SCHIP1: variants seen among roughly 807,000 people sequenced by gnomAD.
SCHIP1 encodes the protein schwannomin-interacting protein 1.
In SCHIP1, 8 loss-of-function variants were observed where a neutral mutation model predicts 29.7. The ratio of observed to expected loss-of-function variants is 0.27; its 90% confidence interval spans 0.16 to 0.49. The LOEUF (loss-of-function observed/expected upper bound fraction) is 0.49. Ranked by LOEUF, SCHIP1 falls within the 20% of genes least tolerant of loss-of-function variation. The probability of loss-of-function intolerance (pLI) is 0.99; values close to 1 mark genes in which losing one functional copy is unlikely to be tolerated. For missense variants in SCHIP1, 193 were observed against 294.6 expected, an observed-to-expected ratio of 0.66 and a Z score of 2.52; for synonymous variants, 76 against 94.9, an observed-to-expected ratio of 0.80 and a Z score of 1.16.
chr3:159,655,682 G>A, the SCHIP1 span, among the ~76,000 whole-genome samples: 1 of 152,188 alleles, frequency 6.6e-6, no homozygotes, highest in East Asian at 1.9e-4. Flanking sequence ...GAGGTCAGGT[G>A]TTTGAGACAA....
At chr3:159,561,957 T>C in the SCHIP1 span, among the ~76,000 whole-genome samples, 1 of 152,212 alleles carries the variant, frequency 6.6e-6, no homozygotes, top group Non-Finnish European at 1.5e-5. Context: ...TTTATATTTG[T>C]GAAAAGCAGA....
At chr3:159,397,549 C>T in the SCHIP1 span, among the ~76,000 whole-genome samples, 1 of 152,152 alleles carries the variant, frequency 6.6e-6, no homozygotes, top group African/African-American at 2.4e-5. Context: ...AGATAGGACC[C>T]TCAGCTGCAG....
At chr3:159,750,293 A>ACG in the SCHIP1 span, among the ~76,000 whole-genome samples, 19 of 146,726 alleles carry the variant, frequency 1.3e-4, no homozygotes, top group African/African-American at 5.0e-4. Flanking sequence ...ATATATATAT[A>ACG]TATACACACA....
the SCHIP1 span, among the ~76,000 whole-genome samples, chr3:159,465,570 T>C: frequency 1.3e-5 from 2 of 152,058 alleles, no homozygotes; most frequent in Non-Finnish European, 2.9e-5. Flanking sequence ...CTGAAATATA[T>C]TTACCTGGGG....
chr3:159,595,179 G>A, the SCHIP1 span, among the ~76,000 whole-genome samples: 50 of 152,158 alleles, frequency 3.3e-4, no homozygotes, highest in African/African-American at 9.7e-4. Context: ...GCTTCTGCTA[G>A]CAAACACAGA....
At chr3:159,327,285 A>G in the SCHIP1 span, among the ~76,000 whole-genome samples, 1 of 152,156 alleles carries the variant, frequency 6.6e-6, no homozygotes, top group African/African-American at 2.4e-5. Flanking sequence ...TCAAATAGAA[A>G]TATTGATACC....
At chr3:159,880,179 C>T (rs956255981) in intron 2 of SCHIP1, among the ~76,000 whole-genome samples, 2 of 152,118 alleles carry the variant, frequency 1.3e-5, no homozygotes, top group African/African-American at 4.8e-5. Flanking sequence ...AATGTCCTCC[C>T]CAGTCCTCTC....
At chr3:159,602,096 C>T in the SCHIP1 span, among the ~76,000 whole-genome samples, 1 of 152,148 alleles carries the variant, frequency 6.6e-6, no homozygotes, top group South Asian at 2.1e-4. Context: ...AGGAGCTCTC[C>T]CATGGTTCAC....
chr3:159,319,360 G>C, the SCHIP1 span, among the ~76,000 whole-genome samples: 1 of 152,302 alleles, frequency 6.6e-6, no homozygotes, highest in South Asian at 2.1e-4. Context: ...GTGTAACAAA[G>C]GTTGGGGCAT....
the SCHIP1 span, among the ~76,000 whole-genome samples, chr3:159,297,126 T>TTGTGTGTGTG: frequency 0.011 from 1,567 of 143,300 alleles, 19 homozygotes; most frequent in African/African-American, 0.038. Context: ...TAATATTCCA[T>TTGTGTGTGTG]TGTGTGTGTG....
At chr3:159,403,056 G>C in the SCHIP1 span, among the ~76,000 whole-genome samples, 6 of 152,146 alleles carry the variant, frequency 3.9e-5, no homozygotes, top group Admixed American at 1.3e-4. Flanking sequence ...AAGACCATGG[G>C]CCAGGGACTC....
At chr3:159,633,720 T>C in the SCHIP1 span, among the ~76,000 whole-genome samples, 5 of 152,158 alleles carry the variant, frequency 3.3e-5, no homozygotes, top group Admixed American at 2.6e-4. Context: ...TCAAGAAATA[T>C]ATATCCTATA....
At chr3:159,708,041 T>C in the SCHIP1 span, among the ~76,000 whole-genome samples, 2 of 152,170 alleles carry the variant, frequency 1.3e-5, no homozygotes, top group African/African-American at 4.8e-5. Flanking sequence ...TCTCTCCCTA[T>C]ATTCCAGAAC....
chr3:159,786,939 A>G, the SCHIP1 span, among the ~76,000 whole-genome samples: 1 of 152,144 alleles, frequency 6.6e-6, no homozygotes, highest in South Asian at 2.1e-4. Flanking sequence ...GAAGACAAAG[A>G]AGAACTCACA....
At chr3:159,815,511 G>A in the SCHIP1 span, among the ~76,000 whole-genome samples, 1 of 152,208 alleles carries the variant, frequency 6.6e-6, no homozygotes, top group African/African-American at 2.4e-5. Flanking sequence ...CCGAAGGTGT[G>A]TCTGGGCTGT....
the SCHIP1 span, among the ~76,000 whole-genome samples, chr3:159,498,323 C>T: frequency 2.6e-5 from 4 of 152,054 alleles, no homozygotes; most frequent in African/African-American, 9.7e-5. Flanking sequence ...CAATTTTATC[C>T]ATGAATATGA....
the SCHIP1 span, among the ~76,000 whole-genome samples, chr3:159,507,844 T>G: frequency 2.6e-5 from 4 of 152,250 alleles, no homozygotes; most frequent in Non-Finnish European, 5.9e-5. Flanking sequence ...ATAAGCTTTT[T>G]GATGTCCTGC....
At chr3:159,552,367 T>A in the SCHIP1 span, among the ~76,000 whole-genome samples, 3,447 of 152,014 alleles carry the variant, frequency 0.023, 132 homozygotes, top group African/African-American at 0.079. Context: ...TTAATTAGAG[T>A]CCTTTATTTT....
chr3:159,785,672 T>C, the SCHIP1 span, among the ~76,000 whole-genome samples: 1 of 152,004 alleles, frequency 6.6e-6, no homozygotes, highest in Non-Finnish European at 1.5e-5. Flanking sequence ...TAGAAGTGTG[T>C]AATTTGAAAC....
Sources: gnomAD v4.1 joint callset for allele counts (sites outside exome capture counted in the v4.1 genomes callset) on GRCh38, gnomAD v4.1.1 for gene constraint, MANE v1.5 for transcripts, NCBI Gene and HGNC (gene_info 2026-07-23, HGNC 2026-07-21) for gene names.